Variants in NKAIN2 observed in about 807,000 individuals in gnomAD.
NKAIN2 encodes sodium/potassium-transporting ATPase subunit beta-1-interacting protein 2.
NKAIN2 carries 14 observed loss-of-function variants against 32.6 expected under a neutral mutation model. That is an observed-to-expected ratio of 0.43 (90% CI 0.28 to 0.67). The LOEUF (loss-of-function observed/expected upper bound fraction) is 0.67, where lower values mean the gene tolerates loss of function less well. NKAIN2 is among the 30% of genes least tolerant of loss of function. NKAIN2 has a pLI of 0.17. For missense variants in NKAIN2, 198 were observed against 258.3 expected (o/e 0.77, Z 1.60); for synonymous variants, 80 against 87.2 (o/e 0.92, Z 0.46).
intron 3 of NKAIN2, among the ~76,000 whole-genome samples, chr6:124,437,461 C>G (rs1431319114): frequency 1.3e-5 from 2 of 152,160 alleles, no homozygotes; most frequent in African/African-American, 2.4e-5. Flanking sequence ...TCATTTTATT[C>G]TTTCTTTTGC....
intron 1 of NKAIN2, among the ~76,000 whole-genome samples, chr6:124,191,072 C>T (rs1582820445): frequency 6.6e-6 from 1 of 152,168 alleles, no homozygotes; most frequent in Non-Finnish European, 1.5e-5. Flanking sequence ...GTTGTACATT[C>T]TATTGGCTTT....
At chr6:123,877,555 C>A (rs1773224649) in intron 1 of NKAIN2, among the ~76,000 whole-genome samples, 1 of 152,184 alleles carries the variant, frequency 6.6e-6, no homozygotes, top group African/African-American at 2.4e-5. Flanking sequence ...TGTGAAGTTG[C>A]AGGTTCAGTC....
intron 3 of NKAIN2, among the ~76,000 whole-genome samples, chr6:124,496,947 C>T (rs951777678): frequency 6.6e-6 from 1 of 151,982 alleles, no homozygotes; most frequent in Non-Finnish European, 1.5e-5. Context: ...TTGCTAAAAC[C>T]TAGTATCTGG....
At chr6:124,495,970 T>C (rs1202164183) in intron 3 of NKAIN2, among the ~76,000 whole-genome samples, 1 of 152,142 alleles carries the variant, frequency 6.6e-6, no homozygotes, top group Non-Finnish European at 1.5e-5. Flanking sequence ...GAAGGCAGGA[T>C]AGTTAGTGGC....
intron 1 of NKAIN2, among the ~76,000 whole-genome samples, chr6:124,191,065 G>A (rs541373485): frequency 3.3e-5 from 5 of 152,276 alleles, no homozygotes; most frequent in South Asian, 2.1e-4. Flanking sequence ...GCTTGCTGTT[G>A]TACATTCTAT....
chr6:124,198,472 T>C (rs562032794), intron 1 of NKAIN2, among the ~76,000 whole-genome samples: 44 of 151,792 alleles, frequency 2.9e-4, no homozygotes, highest in Admixed American at 2.4e-3. Context: ...GTTGTAGATC[T>C]TGACCTTGAG....
intron 1 of NKAIN2, among the ~76,000 whole-genome samples, chr6:124,051,436 A>AT (rs1782392720): frequency 6.6e-6 from 1 of 151,910 alleles, no homozygotes; most frequent in Non-Finnish European, 1.5e-5. Flanking sequence ...TTGTTTTTTT[A>AT]AATTATACTT....
chr6:124,710,950 A>C (rs962845841), intron 4 of NKAIN2, among the ~76,000 whole-genome samples: 18 of 150,294 alleles, frequency 1.2e-4, no homozygotes, highest in African/African-American at 4.4e-4. Context: ...TTTTGGCATG[A>C]TTTTGCAGTG....
At chr6:124,091,656 G>A (rs1178068782) in intron 1 of NKAIN2, among the ~76,000 whole-genome samples, 1 of 151,634 alleles carries the variant, frequency 6.6e-6, no homozygotes, top group Non-Finnish European at 1.5e-5. Context: ...CCTGGTCAAA[G>A]CATTATTTTT....
chr6:124,799,651 G>A (rs1229709869), intron 5 of NKAIN2, among the ~76,000 whole-genome samples: 1 of 152,092 alleles, frequency 6.6e-6, no homozygotes, highest in Non-Finnish European at 1.5e-5. Context: ...CTTTAACTGG[G>A]GTGTAACAAA....
chr6:124,728,864 G>A (rs1193756237), intron 4 of NKAIN2, among the ~76,000 whole-genome samples: 4 of 151,234 alleles, frequency 2.6e-5, no homozygotes, highest in Non-Finnish European at 1.5e-5. Context: ...AATAAAAAAT[G>A]ATAAAGGGGA....
intron 1 of NKAIN2, among the ~76,000 whole-genome samples, chr6:123,846,921 G>C (rs1775118967): frequency 6.6e-6 from 1 of 152,036 alleles, no homozygotes; most frequent in Non-Finnish European, 1.5e-5. Flanking sequence ...TCCAGGCACT[G>C]TACTGGAGAT....
chr6:124,141,227 A>G (rs1787123616), intron 1 of NKAIN2, among the ~76,000 whole-genome samples: 3 of 152,190 alleles, frequency 2.0e-5, no homozygotes, highest in African/African-American at 4.8e-5. Context: ...CCTGGGAGCA[A>G]TGAAAATTCC....
chr6:123,857,844 A>G (rs887431126), intron 1 of NKAIN2, among the ~76,000 whole-genome samples: 16 of 152,130 alleles, frequency 1.1e-4, no homozygotes, highest in African/African-American at 3.9e-4. Flanking sequence ...AACCTCTCCA[A>G]AATGTAGTCA....
At chr6:124,428,299 G>C (rs1775068564) in intron 3 of NKAIN2, among the ~76,000 whole-genome samples, 2 of 152,062 alleles carry the variant, frequency 1.3e-5, no homozygotes, top group Non-Finnish European at 2.9e-5. Context: ...AAGAGCTGGA[G>C]ACATGTTTCA....
chr6:123,941,337 T>C (rs189914818), intron 1 of NKAIN2, among the ~76,000 whole-genome samples: 2 of 151,976 alleles, frequency 1.3e-5, no homozygotes, highest in East Asian at 1.9e-4. Context: ...TTATAATAAT[T>C]AGGTAAACCA....
intron 1 of NKAIN2, among the ~76,000 whole-genome samples, chr6:123,987,676 T>C (rs540229879): frequency 7.9e-5 from 12 of 152,290 alleles, no homozygotes; most frequent in Non-Finnish European, 1.8e-4. Flanking sequence ...TTGGAGCTGA[T>C]GTCAGCTTTT....
At chr6:124,377,913 C>T (rs1407487215) in intron 3 of NKAIN2, among the ~76,000 whole-genome samples, 3 of 152,094 alleles carry the variant, frequency 2.0e-5, no homozygotes, top group Non-Finnish European at 4.4e-5. Context: ...CCTCCTTTCT[C>T]TTATGTATCT....
chr6:124,185,483 T>C (rs911729382), intron 1 of NKAIN2, among the ~76,000 whole-genome samples: 2 of 152,186 alleles, frequency 1.3e-5, no homozygotes, highest in African/African-American at 4.8e-5. Context: ...GATGAACTTA[T>C]ATAATGAACA....
Sources: gnomAD v4.1 joint callset for allele counts (sites outside exome capture counted in the v4.1 genomes callset) on GRCh38, gnomAD v4.1.1 for gene constraint, MANE v1.5 for transcripts, NCBI Gene and HGNC (gene_info 2026-07-23, HGNC 2026-07-21) for gene names.